Variants in PHF8 observed in about 807,000 individuals in gnomAD.
The protein encoded by PHF8 is PHD finger protein 8, also known as histone lysine demethylase PHF8.
In PHF8, 9 loss-of-function variants were observed where a neutral mutation model predicts 74.4. The ratio of observed to expected loss-of-function variants is 0.12; its 90% confidence interval spans 0.07 to 0.21. The LOEUF (loss-of-function observed/expected upper bound fraction) is 0.21. Among genes scored for constraint, PHF8 ranks in the 10% least tolerant of loss-of-function variants. The probability of loss-of-function intolerance (pLI) is 1.00; values close to 1 mark genes in which losing one functional copy is unlikely to be tolerated. For synonymous variants in PHF8, 311 were observed against 316.6 expected, an observed-to-expected ratio of 0.98 and a Z score of 0.19; for missense variants, 478 against 816.6, an observed-to-expected ratio of 0.59 and a Z score of 5.05.
chrX:54,028,351 A>G (rs2066302625), intron 2 of PHF8, among the ~76,000 whole-genome samples: 2 of 111,845 alleles, frequency 1.8e-5, no homozygotes, highest in Non-Finnish European at 3.8e-5. Flanking sequence ...GGTAGCCACA[A>G]GAACTGGGGA....
At chrX:54,006,539 T>C (rs1165025729) in intron 8 of PHF8, among the ~76,000 whole-genome samples, 3 of 111,680 alleles carry the variant, frequency 2.7e-5, no homozygotes, top group Non-Finnish European at 5.6e-5. Context: ...TAAATACTAG[T>C]AGACTGTGAT....
At chrX:53,942,960 T>C (rs1557083995) in intron 20 of PHF8, 2 of 753,346 alleles carry the variant, frequency 2.7e-6, no homozygotes, top group East Asian at 2.9e-4. Context: ...CTTTGTGTGC[T>C]ATACGAAGGA....
intron 2 of PHF8, among the ~76,000 whole-genome samples, chrX:54,029,894 C>T (rs370020633): frequency 6.3e-5 from 7 of 111,642 alleles, no homozygotes; most frequent in East Asian, 2.8e-4. Flanking sequence ...CACCACAGAA[C>T]ATTAAACCTC....
chrX:53,995,606 T>A, intron 12 of PHF8, 87 bp downstream of exon 12: 1 of 575,221 alleles, frequency 1.7e-6, no homozygotes. Context: ...TCCCCTGGGC[T>A]CTCATGCTAA....
chrX:54,043,055 C>T (rs2066591014), intron 1 of PHF8: 3 of 541,693 alleles, frequency 5.5e-6, no homozygotes, highest in Non-Finnish European at 7.6e-6. Context: ...CCCCACCCCC[C>T]ACCTTCTTCG....
intron 2 of PHF8, among the ~76,000 whole-genome samples, chrX:54,042,240 G>A (rs1395058641): frequency 9.1e-6 from 1 of 110,263 alleles, no homozygotes; most frequent in Non-Finnish European, 1.9e-5. Flanking sequence ...GGCAGAGGTT[G>A]CTGTGAGCCG....
chrX:54,014,614 T>C (rs1557107535), intron 6 of PHF8, 51 bp from the exon 7 acceptor site: 1 of 912,406 alleles, frequency 1.1e-6, no homozygotes, highest in African/African-American at 1.9e-5. Context: ...GAAGAGAAGA[T>C]TGAGGCCTGA....
upstream of PHF8, chrX:54,045,117 C>G (rs976746659): frequency 2.9e-5 from 11 of 384,203 alleles, no homozygotes; most frequent in African/African-American, 2.1e-4. Context: ...AACTCCACAA[C>G]TCCCTCTGAA....
At position 54,017,722 on chromosome X, in the gene PHF8, A is replaced by G; in HGVS notation, c.393T>C (p.Asp131=). 2 of 1,208,381 alleles carry G rather than the reference A, an allele frequency of 1.7e-6. No homozygotes were observed. The highest frequency in any genetic ancestry group is 2.2e-6 in the Non-Finnish European group (2 of 892,558). The change falls in exon 5 of 22, where the codon GAT becomes GAC. Residue 131 remains aspartate, a synonymous_variant. Transcript: ENST00000338154. ...FSVPILVLKK[D]GLGMTLPSPS... is the part of the protein sequence containing the mutation. Reference sequence around the variant, plus strand: ...GCGAGGGCAGCGTCATGCCCAACCCATCCTTCTTCAGGACCAGGATGGGCA... The same window carrying G: ...GCGAGGGCAGCGTCATGCCCAACCCGTCCTTCTTCAGGACCAGGATGGGCA...
intron 18 of PHF8, among the ~76,000 whole-genome samples, chrX:53,974,967 C>G (rs2065351433): frequency 9.0e-6 from 1 of 111,610 alleles, no homozygotes; most frequent in Non-Finnish European, 1.9e-5. Flanking sequence ...GGCTTAATAC[C>G]TAGGTGATAG....
At chrX:54,013,183 C>T (rs1212588985) in intron 7 of PHF8, among the ~76,000 whole-genome samples, 1 of 111,051 alleles carries the variant, frequency 9.0e-6, no homozygotes, top group African/African-American at 3.3e-5. Flanking sequence ...AAACCAAAAT[C>T]ATTTAAGAAA....
chrX:54,009,200 T>C (rs2065941991), intron 8 of PHF8, among the ~76,000 whole-genome samples: 1 of 111,822 alleles, frequency 8.9e-6, no homozygotes, highest in African/African-American at 3.2e-5. Context: ...AATAACATAA[T>C]GAACATTCTC....
chrX:54,022,530 G>A (rs2066196483), intron 3 of PHF8, among the ~76,000 whole-genome samples, 163 bp from the exon 4 acceptor site: 1 of 111,706 alleles, frequency 9.0e-6, no homozygotes, highest in South Asian at 3.7e-4. Context: ...GGTGAAGATG[G>A]ATGGGTACTT....
intron 8 of PHF8, among the ~76,000 whole-genome samples, chrX:54,007,492 T>G (rs1286088416): frequency 8.9e-6 from 1 of 111,938 alleles, no homozygotes; most frequent in Admixed American, 9.5e-5. Flanking sequence ...GAGAAAATAT[T>G]TGCAAATCAC....
At chrX:53,966,374 G>A (rs2065186855) in intron 18 of PHF8, among the ~76,000 whole-genome samples, 1 of 112,508 alleles carries the variant, frequency 8.9e-6, no homozygotes, top group African/African-American at 3.2e-5. Context: ...TGCGACTGCA[G>A]GCGCGTGCCG....
chrX:53,985,260 T>C (rs781899356), intron 17 of PHF8, 33 bp from the exon 18 acceptor site: 32 of 1,095,560 alleles, frequency 2.9e-5, no homozygotes, highest in African/African-American at 2.8e-4. Context: ...ACTGAGAGAG[T>C]TGTTTTTAGC....
At position 53,939,016 on chromosome X, in the gene PHF8, C is replaced by G. The variant is rs782022546; in HGVS notation, c.*142G>C. ...ACTAGAAGGAGTCGGTGGAGGGGTCCGTGCCTTTGGTAAGTCCCAAGAAAG... is the reference window on the plus strand; with the variant it reads ...ACTAGAAGGAGTCGGTGGAGGGGTCGGTGCCTTTGGTAAGTCCCAAGAAAG... On this transcript the variant is annotated 3_prime_UTR_variant, in exon 22 of 22. Coordinates refer to ENST00000338154, the MANE Select transcript of PHF8 (RefSeq NM_015107.3). 46 of 1,062,052 alleles carry G rather than the reference C, an allele frequency of 4.3e-5. No individual in the cohort carries two copies. Among genetic ancestry groups the G allele is most frequent in the Non-Finnish European group, 5.1e-5 (42 of 823,008 alleles). 87.5% of individuals were successfully genotyped at this position (1,062,052 alleles called of 1,213,427 possible).
At chrX:53,955,349 G>A (rs1377147615) in intron 19 of PHF8, among the ~76,000 whole-genome samples, 2 of 110,245 alleles carry the variant, frequency 1.8e-5, no homozygotes, top group African/African-American at 3.3e-5. Flanking sequence ...AAAGTGCTAG[G>A]ATTACAGGCA....
intron 11 of PHF8, among the ~76,000 whole-genome samples, chrX:53,997,808 C>T (rs1053450605): frequency 9.0e-6 from 1 of 111,636 alleles, no homozygotes; most frequent in African/African-American, 3.3e-5. Context: ...CCAAGGTAGC[C>T]ACACCTGAGA....
Sources: gnomAD v4.1 joint callset for allele counts (sites outside exome capture counted in the v4.1 genomes callset) on GRCh38, gnomAD v4.1.1 for gene constraint, MANE v1.5 for transcripts, NCBI Gene and HGNC (gene_info 2026-07-23, HGNC 2026-07-21) for gene names.